The following CCDC7 variants were observed in gnomAD, a reference collection of about 807,000 sequenced individuals.
CCDC7 encodes the protein coiled-coil domain containing 7.
CCDC7 carries 183 observed loss-of-function variants against 196.9 expected under a neutral mutation model. The observed-to-expected ratio is 0.93, with a 90% CI of 0.82 to 1.05. CCDC7 has a LOEUF of 1.05. Among genes scored for constraint, CCDC7 ranks in the 50% least tolerant of loss-of-function variants. CCDC7 has a pLI of 0.00. For synonymous variants in CCDC7, 525 were observed against 484.6 expected, an observed-to-expected ratio of 1.08 and a Z score of -1.10; for missense variants, 1,540 against 1,482.2, an observed-to-expected ratio of 1.04 and a Z score of -0.64.
At chr10:32,661,599 T>A (rs10827094) in intron 20 of CCDC7, among the ~76,000 whole-genome samples, 13,408 of 152,000 alleles carry the variant, frequency 0.088, 859 homozygotes, top group East Asian at 0.33. Context: ...AGGTGATAGA[T>A]CTTGCCAGGA....
chr10:32,704,540 A>T (rs535750465), intron 24 of CCDC7, among the ~76,000 whole-genome samples: 91 of 152,264 alleles, frequency 6.0e-4, no homozygotes, highest in Non-Finnish European at 1.0e-3. Flanking sequence ...CACAGTTGTC[A>T]GACAGGGACA....
rs540969196 is a variant in CCDC7, at chr10:32,700,933, T to A, written c.2458+5941T>A. Among the ~76,000 whole-genome samples, 9 of 152,344 alleles carry A rather than the reference T, an allele frequency of 5.9e-5. No individual in the cohort carries two copies. The East Asian group carries it at 1.7e-3, about 29-fold the overall frequency. On this transcript the variant is annotated intron_variant, in intron 24 of 41. Coordinates refer to ENST00000639629, the Ensembl canonical transcript of CCDC7. ...GTCCTGAGACTTTGCTGAAGTTGCT[T>A]ATCAGCTTAAGGAGATTTTGGGCTG...
At chr10:32,619,201 A>G (rs946439316) in intron 18 of CCDC7, among the ~76,000 whole-genome samples, 1 of 152,114 alleles carries the variant, frequency 6.6e-6, no homozygotes, top group Non-Finnish European at 1.5e-5. Context: ...AATAAATCCT[A>G]AAGCATCAAG....
At chr10:32,675,530 A>C (rs2074797695) in intron 21 of CCDC7, 2 of 152,196 alleles carry the variant, frequency 1.3e-5, no homozygotes, top group South Asian at 4.1e-4. Context: ...TTTATACTAG[A>C]GTTAAAATGA....
At chr10:32,654,472 T>C (rs2069386834) in intron 20 of CCDC7, among the ~76,000 whole-genome samples, 1 of 152,220 alleles carries the variant, frequency 6.6e-6, no homozygotes. Flanking sequence ...TTTGTTATTT[T>C]GCTGTTTTTG....
intron 29 of CCDC7, among the ~76,000 whole-genome samples, chr10:32,803,527 T>C (rs894110382): frequency 1.3e-5 from 2 of 152,190 alleles, no homozygotes; most frequent in African/African-American, 4.8e-5. Context: ...ATTTAAAGTC[T>C]ATTTGTCTGT....
At chr10:32,824,718 T>C (rs2090860462) in intron 32 of CCDC7, 114 bp downstream of exon 33, 1 of 598,574 alleles carries the variant, frequency 1.7e-6, no homozygotes, top group Non-Finnish European at 2.9e-6. Flanking sequence ...AGAAAAAGTC[T>C]TCATGAATTT....
chr10:32,592,801 T>C (rs1019754652), intron 18 of CCDC7, among the ~76,000 whole-genome samples: 3 of 152,218 alleles, frequency 2.0e-5, no homozygotes, highest in African/African-American at 7.2e-5. Flanking sequence ...CACGTGGTGT[T>C]TGGATTTCTG....
chr10:32,866,144 T>C (rs1037869510), intron 41 of CCDC7, among the ~76,000 whole-genome samples: 3 of 151,902 alleles, frequency 2.0e-5, no homozygotes, highest in African/African-American at 7.2e-5. Flanking sequence ...CTGACATAAA[T>C]AGAAAATGCA....
At chr10:32,594,600 G>A (rs577906872) in intron 18 of CCDC7, among the ~76,000 whole-genome samples, 7 of 151,886 alleles carry the variant, frequency 4.6e-5, no homozygotes, top group African/African-American at 1.7e-4. Context: ...AATAGGAGTG[G>A]TGAGAGAGGA....
chr10:32,819,113 TA>T (rs951113545), intron 31 of CCDC7, among the ~76,000 whole-genome samples: 4 of 151,854 alleles, frequency 2.6e-5, no homozygotes, highest in Non-Finnish European at 5.9e-5. Context: ...ATAGACGCAA[TA>T]AAAAATGATA....
Position 32,508,932 on chromosome 10 carries a change from ATTTTTTTTTT to A in CCDC7, c.873-9002_873-8993del, listed in dbSNP as rs4016795. On this transcript the variant is annotated intron_variant, in intron 9 of 41. Transcript: ENST00000639629. Reference sequence around the variant, plus strand: ...ACAGGCATGAGCCACTGTGCCTGGCATTTTTTTTTTTTTTTTTTTTGAAATGGAGTCTTGT... The same window carrying A: ...ACAGGCATGAGCCACTGTGCCTGGCATTTTTTTTTTGAAATGGAGTCTTGT... 5.1e-5 allele frequency among the ~76,000 whole-genome samples: 6 copies of A among 117,100 alleles called. 1 individual carries two copies. The highest frequency in any genetic ancestry group is 4.9e-4 in the East Asian group (2 of 4,088). The allele number at this position is 117,100 out of a possible 152,430, so 76.8% of individuals were successfully genotyped here. A position where few individuals can be genotyped will look rare whatever the true frequency, so the allele number is the denominator to read the frequency against.
At chr10:32,692,768 C>A (rs1403776656) in intron 23 of CCDC7, among the ~76,000 whole-genome samples, 1 of 152,180 alleles carries the variant, frequency 6.6e-6, no homozygotes, top group Non-Finnish European at 1.5e-5. Context: ...AGGCAGGTCC[C>A]CAGCTCTACC....
intron 15 of CCDC7, among the ~76,000 whole-genome samples, chr10:32,570,460 T>C (rs1004014962): frequency 3.3e-5 from 5 of 152,206 alleles, no homozygotes; most frequent in African/African-American, 1.2e-4. Flanking sequence ...TTATGACATA[T>C]AGACACAAAA....
At chr10:32,688,227 C>G (rs749950338) in intron 22 of CCDC7, among the ~76,000 whole-genome samples, 2 of 152,138 alleles carry the variant, frequency 1.3e-5, no homozygotes, top group African/African-American at 4.8e-5. Flanking sequence ...ATTCAAGTTC[C>G]TATAAACTCC....
chr10:32,693,427 C>T (rs1245784179), intron 23 of CCDC7, among the ~76,000 whole-genome samples: 2 of 152,126 alleles, frequency 1.3e-5, no homozygotes, highest in East Asian at 3.9e-4. Context: ...CATCTTCCTT[C>T]CCCAAAGATG....
intron 18 of CCDC7, among the ~76,000 whole-genome samples, chr10:32,585,736 G>A (rs1039645448): frequency 2.6e-5 from 4 of 152,108 alleles, no homozygotes; most frequent in Non-Finnish European, 4.4e-5. Flanking sequence ...AGTATTCCAC[G>A]GTGTATATGT....
intron 5 of CCDC7, 59 bp from the exon 7 acceptor site, chr10:32,471,005 T>G: frequency 7.0e-7 from 1 of 1,421,026 alleles, no homozygotes; most frequent in Non-Finnish European, 9.3e-7. Flanking sequence ...TGAAATTTAT[T>G]TGAGGTATGG....
intron 18 of CCDC7, among the ~76,000 whole-genome samples, chr10:32,618,408 TTCTG>T (rs1326428989): frequency 6.6e-6 from 1 of 152,078 alleles, no homozygotes; most frequent in Non-Finnish European, 1.5e-5. Flanking sequence ...AGTTTTATAT[TTCTG>T]TATGTTTTCA....
Sources: allele counts gnomAD v4.1 joint callset (sites outside exome capture counted in the v4.1 genomes callset), GRCh38; gene constraint gnomAD v4.1.1; transcripts MANE v1.5; gene names NCBI Gene and HGNC (gene_info 2026-07-23, HGNC 2026-07-21).